TTC9C: variants seen among roughly 807,000 people sequenced by gnomAD.
TTC9C encodes tetratricopeptide repeat domain 9C.
TTC9C carries 15 observed loss-of-function variants against 22.5 expected under a neutral mutation model. The observed-to-expected ratio is 0.67, with a 90% CI of 0.45 to 1.03. The LOEUF (loss-of-function observed/expected upper bound fraction) is 1.03, where lower values mean the gene tolerates loss of function less well. TTC9C is among the 50% of genes least tolerant of loss of function. The pLI, the probability that TTC9C is intolerant of heterozygous loss-of-function variation, is 0.00. For missense variants in TTC9C, 244 were observed against 214.6 expected (o/e 1.14, Z -0.86); for synonymous variants, 92 against 86.8 (o/e 1.06, Z -0.33).
At position 62,728,526 on chromosome 11, in the gene TTC9C, A is replaced by G. The variant is rs1366867079; in HGVS notation, c.-323A>G. ...CTCACGCCCGCAACAATTCCTGAGT[A>G]GGGCCTTGCTTGAGTTCTTCGGAAA... On this transcript the variant is annotated 5_prime_UTR_variant, in exon 1 of 3. Transcript: ENST00000316461. The G allele has an allele frequency of 1.2e-5, 6 of 497,308 alleles. No individual in the cohort carries two copies. The highest frequency in any genetic ancestry group is 4.6e-5 in the South Asian group (3 of 64,912). 30.8% of individuals were successfully genotyped at this position (497,308 alleles called of 1,614,324 possible).
chr11:62,733,813 G>A (rs2083879668), intron 1 of TTC9C, among the ~76,000 whole-genome samples: 1 of 151,962 alleles, frequency 6.6e-6, no homozygotes, highest in Non-Finnish European at 1.5e-5. Context: ...CCAACATGGT[G>A]AAACCCCGTC....
In TTC9C at chr11:62,729,100, T is replaced by C; in HGVS notation, c.238+14T>C. The C allele has an allele frequency of 6.2e-7, 1 of 1,608,200 alleles. No individual in the cohort carries two copies. Among genetic ancestry groups the C allele is most frequent in the Non-Finnish European group, 8.5e-7 (1 of 1,175,520 alleles). ...ACAATCTAGCTGGTAAGAACGGGGC[T>C]AAAGGGTGGCTAGAGAGCATTAAGA... On this transcript the variant is annotated intron_variant, in intron 1 of 2. Coordinates refer to ENST00000316461, the MANE Select transcript of TTC9C (RefSeq NM_173810.4).
rs777888547 is a variant in TTC9C at position 62,738,295 on chromosome 11, C to T, written c.429C>T (p.Asn143=). Residue 143 remains asparagine (N), a synonymous_variant, in exon 3 of 3, where the codon AAC becomes AAT. Transcript: ENST00000316461. ...AAVNRQPKDA[N]VRRYLQLTQS... is the part of the protein sequence containing the mutation. ...TCTCCATCATCTTCCAAGATGCCAA[C>T]GTCCGGCGGTACCTCCAGCTGACAC... 8.7e-6 allele frequency: 14 copies of T among 1,610,648 alleles called. No homozygotes were observed. The highest frequency in any genetic ancestry group is 1.7e-5 in the Admixed American group (1 of 59,838).
At chr11:62,736,955 T>C (rs1205631592) in intron 2 of TTC9C, among the ~76,000 whole-genome samples, 1 of 151,862 alleles carries the variant, frequency 6.6e-6, no homozygotes, top group Admixed American at 6.6e-5. Flanking sequence ...CCCAGCACTT[T>C]GGGAGGCCAA....
intron 2 of TTC9C, 68 bp downstream of exon 2, chr11:62,735,632 G>A (rs2083903090): frequency 6.7e-7 from 1 of 1,486,006 alleles, no homozygotes; most frequent in South Asian, 1.4e-5. Context: ...GTGGAAAGGG[G>A]GTTTTATTTT....
chr11:62,733,716 G>A (rs941148371), intron 1 of TTC9C, among the ~76,000 whole-genome samples: 14 of 152,000 alleles, frequency 9.2e-5, no homozygotes, highest in Admixed American at 2.0e-4. Context: ...TAATGGGGCC[G>A]GGCACAGTGA....
intron 1 of TTC9C, among the ~76,000 whole-genome samples, chr11:62,734,260 T>C (rs183642480): frequency 9.9e-5 from 15 of 151,712 alleles, no homozygotes; most frequent in Admixed American, 3.9e-4. Flanking sequence ...ATCGCGCCAT[T>C]GCACTCCAGC....
At chr11:62,733,159 C>T (rs2083871965) in intron 1 of TTC9C, 1 of 1,288,160 alleles carries the variant, frequency 7.8e-7, no homozygotes, top group African/African-American at 1.5e-5. Flanking sequence ...CATAAAAAGG[C>T]AGAACATTGA....
At chr11:62,730,436 A>G (rs1027734170) in intron 1 of TTC9C, among the ~76,000 whole-genome samples, 1 of 152,142 alleles carries the variant, frequency 6.6e-6, no homozygotes, top group Non-Finnish European at 1.5e-5. Context: ...GATATCTGCC[A>G]TCTTCACAAA....
chr11:62,734,284 C>T (rs997196285), intron 1 of TTC9C, among the ~76,000 whole-genome samples: 1 of 150,788 alleles, frequency 6.6e-6, no homozygotes, highest in African/African-American at 2.4e-5. Context: ...GGCGACAGAG[C>T]GAGACTCCAT....
rs869089455 is a variant in TTC9C at position 62,729,403 on chromosome 11, TTTTA to T, written c.238+321_238+324del. Among the ~76,000 whole-genome samples the T allele has an allele frequency of 4.4e-3, 619 of 140,734 alleles. 1 individual carries two copies. The highest frequency in any genetic ancestry group is 4.0e-3 in the South Asian group (18 of 4,464). 92.3% of individuals were successfully genotyped at this position (140,734 alleles called of 152,430 possible). A position where few individuals can be genotyped will look rare whatever the true frequency, so the allele number is the denominator to read the frequency against. On this transcript the variant is annotated intron_variant, in intron 1 of 2. Transcript: ENST00000316461. Reference sequence around the variant, plus strand: ...TTTTATTTTATTTTATTTTATTTTATTTTATTTTTTTTTGAGATGGAGTCTCGCT... The same window carrying T: ...TTTTATTTTATTTTATTTTATTTTATTTTTTTTTTGAGATGGAGTCTCGCT...
Position 62,735,866 on chromosome 11 carries a change from T to C in TTC9C, c.421+302T>C. 1.7e-5 allele frequency: 3 copies of C among 180,222 alleles called. No individual in the cohort carries two copies. In the South Asian group the frequency reaches 4.0e-4, roughly 24 times the overall value. The allele number at this position is 180,222 out of a possible 1,614,324, so 11.2% of individuals were successfully genotyped here. On this transcript the variant is annotated intron_variant, in intron 2 of 2. Transcript: ENST00000316461. ...ATATGTATGTATGCCTATTCTAATA[T>C]ATAAATATATGTATATCAACGTGCT...
intron 2 of TTC9C, among the ~76,000 whole-genome samples, chr11:62,736,463 G>C (rs2083913839): frequency 6.6e-6 from 1 of 152,058 alleles, no homozygotes; most frequent in Non-Finnish European, 1.5e-5. Context: ...GGGAGGCCGA[G>C]GTGGGCGGAT....
intron 2 of TTC9C, among the ~76,000 whole-genome samples, chr11:62,736,451 T>TCC (rs1389811351): frequency 6.6e-6 from 1 of 151,828 alleles, no homozygotes; most frequent in African/African-American, 2.4e-5. Flanking sequence ...TCCCAGCACT[T>TCC]TGGGAGGCCG....
chr11:62,730,769 C>T (rs2083839142), intron 1 of TTC9C, among the ~76,000 whole-genome samples: 1 of 151,770 alleles, frequency 6.6e-6, no homozygotes, highest in African/African-American at 2.4e-5. Flanking sequence ...GATGGGATTT[C>T]TTCATGTTGG....
At chr11:62,731,585 A>C (rs2083849982) in intron 1 of TTC9C, among the ~76,000 whole-genome samples, 1 of 152,138 alleles carries the variant, frequency 6.6e-6, no homozygotes, top group Non-Finnish European at 1.5e-5. Flanking sequence ...TGACAGAGCA[A>C]GTAAGACTCT....
In TTC9C at chr11:62,738,406, G is replaced by T. The variant is rs1455193407; in HGVS notation, c.*24G>T. On this transcript the variant is annotated 3_prime_UTR_variant, in exon 3 of 3. Coordinates refer to ENST00000316461, the MANE Select transcript of TTC9C (RefSeq NM_173810.4). ...AACAAAGAAGAAAGATGCTCCTCCA[G>T]TTGAACTTAGGTGGACCATTAAACA... The T allele has an allele frequency of 2.6e-6, 4 of 1,511,244 alleles. No individual in the cohort carries two copies. Among genetic ancestry groups the T allele is most frequent in the Non-Finnish European group, 3.7e-6 (4 of 1,091,958 alleles). The allele number at this position is 1,511,244 out of a possible 1,614,324, so 93.6% of individuals were successfully genotyped here. A position where few individuals can be genotyped will look rare whatever the true frequency, so the allele number is the denominator to read the frequency against.
At chr11:62,732,692 A>G (rs1345314294) in intron 1 of TTC9C, among the ~76,000 whole-genome samples, 1 of 151,922 alleles carries the variant, frequency 6.6e-6, no homozygotes, top group Non-Finnish European at 1.5e-5. Flanking sequence ...AGCCCATGAC[A>G]GGCAGATCAC....
In TTC9C at chr11:62,737,919, T is replaced by C. The variant is rs1284354765; in HGVS notation, c.422-369T>C. On this transcript the variant is annotated intron_variant, in intron 2 of 2. Transcript: ENST00000316461. Reference sequence around the variant, plus strand: ...GGTGGTGCATGCCTGTAATCTCAGCTACTTGGGAGGCTGAGGCATGAGAAT... The same window carrying C: ...GGTGGTGCATGCCTGTAATCTCAGCCACTTGGGAGGCTGAGGCATGAGAAT... Among the ~76,000 whole-genome samples the C allele has an allele frequency of 1.3e-5, 2 of 152,096 alleles. 1 individual carries two copies. Among genetic ancestry groups the C allele is most frequent in the African/African-American group, 4.8e-5 (2 of 41,412 alleles).
Sources: allele counts gnomAD v4.1 joint callset (sites outside exome capture counted in the v4.1 genomes callset), GRCh38; gene constraint gnomAD v4.1.1; transcripts MANE v1.5; gene names NCBI Gene and HGNC (gene_info 2026-07-23, HGNC 2026-07-21).